The following IARS1 variants were observed in gnomAD, a reference collection of about 807,000 sequenced individuals.
IARS1 encodes isoleucine--tRNA ligase, cytoplasmic.
In IARS1, 124 loss-of-function variants were observed where a neutral mutation model predicts 168.2. The observed-to-expected ratio is 0.74, with a 90% CI of 0.64 to 0.86. The LOEUF is 0.86. Among genes scored for constraint, IARS1 ranks in the 40% least tolerant of loss-of-function variants. IARS1 has a pLI of 0.00. For synonymous variants in IARS1, 532 were observed against 529.4 expected (o/e 1.00, Z -0.07); for missense variants, 1,452 against 1,515.8 (o/e 0.96, Z 0.70).
chr9:92,251,445 T>C (rs1260950988), intron 22 of IARS1, among the ~76,000 whole-genome samples: 1 of 152,232 alleles, frequency 6.6e-6, no homozygotes, highest in Non-Finnish European at 1.5e-5. Flanking sequence ...GATATATATA[T>C]ATTTACTCAG....
At chr9:92,223,563 TTAAC>T in intron 31 of IARS1, 74 bp from the exon 32 acceptor site, 1 of 1,213,314 alleles carries the variant, frequency 8.2e-7, no homozygotes, top group African/African-American at 1.5e-5. Context: ...TTTTTCCTAT[TTAAC>T]TATCATGTAT....
intron 30 of IARS1, among the ~76,000 whole-genome samples, chr9:92,236,064 C>T (rs1379982436): frequency 1.3e-5 from 2 of 151,900 alleles, no homozygotes; most frequent in Admixed American, 1.3e-4. Flanking sequence ...CTCACTGCAA[C>T]CTCTGCCTCC....
chr9:92,288,934 C>G (rs1043608435), intron 2 of IARS1, among the ~76,000 whole-genome samples: 1 of 152,096 alleles, frequency 6.6e-6, no homozygotes, highest in Non-Finnish European at 1.5e-5. Flanking sequence ...TTAGGCCGCG[C>G]GTGATGGCTC....
At chr9:92,248,946 A>G (rs1829630297) in intron 25 of IARS1, among the ~76,000 whole-genome samples, 1 of 152,190 alleles carries the variant, frequency 6.6e-6, no homozygotes, top group African/African-American at 2.4e-5. Context: ...AATATCATGG[A>G]ATAAAAATGT....
intron 10 of IARS1, among the ~76,000 whole-genome samples, chr9:92,272,714 G>C (rs971355717): frequency 2.6e-5 from 4 of 152,136 alleles, no homozygotes; most frequent in African/African-American, 9.7e-5. Context: ...AGCCAGGCAT[G>C]GTGGCAGGTG....
chr9:92,288,299 A>G lies in IARS1; in HGVS notation c.120-17T>C. On this transcript the variant is annotated splice_polypyrimidine_tract_variant and intron_variant, in intron 2 of 33. Transcript: ENST00000443024. ...AAGGTAAATCTAACAGGTAATAAAA[A>G]TATATCAAGCCATTTAAAAACAGCC... is the stretch of plus-strand genomic sequence containing the variant. 6.2e-7 allele frequency: 1 copy of G among 1,613,486 alleles called. No individual in the cohort carries two copies. Among genetic ancestry groups the G allele is most frequent in the Non-Finnish European group, 8.5e-7 (1 of 1,179,564 alleles).
chr9:92,277,779 A>T, intron 9 of IARS1, 84 bp downstream of exon 9: 4 of 1,100,020 alleles, frequency 3.6e-6, no homozygotes, highest in Non-Finnish European at 5.3e-6. Context: ...CATAAAAGTA[A>T]TGTCAATTCC....
intron 18 of IARS1, 113 bp downstream of exon 18, chr9:92,260,038 T>C: frequency 1.4e-6 from 1 of 712,046 alleles, no homozygotes; most frequent in Admixed American, 2.2e-5. Flanking sequence ...ATAACAGAGA[T>C]ATGTTGCTAA....
intron 16 of IARS1, among the ~76,000 whole-genome samples, chr9:92,264,568 C>T (rs1441408481): frequency 6.6e-6 from 1 of 152,124 alleles, no homozygotes; most frequent in African/African-American, 2.4e-5. Flanking sequence ...CCTCAAATTT[C>T]TAGCACCCAA....
At chr9:92,266,856 T>G (rs921366301) in intron 14 of IARS1, among the ~76,000 whole-genome samples, 2 of 152,238 alleles carry the variant, frequency 1.3e-5, no homozygotes, top group African/African-American at 4.8e-5. Context: ...AACTTTCCAG[T>G]CATGCAGAAT....
chr9:92,230,720 C>T (rs1052272972), intron 30 of IARS1, among the ~76,000 whole-genome samples: 3 of 152,200 alleles, frequency 2.0e-5, no homozygotes, highest in African/African-American at 7.2e-5. Context: ...TCATACCATT[C>T]TATATTCTCA....
intron 30 of IARS1, among the ~76,000 whole-genome samples, chr9:92,231,700 T>G (rs932886939): frequency 6.6e-6 from 1 of 152,008 alleles, no homozygotes; most frequent in Non-Finnish European, 1.5e-5. Context: ...AGGGCTAGGA[T>G]TACAGGCGTG....
At chr9:92,228,021 G>A (rs1276321091) in intron 31 of IARS1, among the ~76,000 whole-genome samples, 16 of 152,140 alleles carry the variant, frequency 1.1e-4, no homozygotes, top group Admixed American at 3.3e-4. Flanking sequence ...CTGAGATCAC[G>A]CCACTGCACT....
intron 33 of IARS1, among the ~76,000 whole-genome samples, chr9:92,213,946 G>C (rs762805041): frequency 1.3e-5 from 2 of 152,004 alleles, no homozygotes; most frequent in Non-Finnish European, 1.5e-5. Flanking sequence ...CAAGTAGCTG[G>C]GATTACAGGC....
chr9:92,265,537 G>T lies in IARS1; in HGVS notation c.1448C>A (p.Ser483Ter). 6.2e-7 allele frequency: 1 copy of T among 1,614,002 alleles called. No individual in the cohort carries two copies. The highest frequency in any genetic ancestry group is 1.1e-5 in the South Asian group (1 of 91,078). Reference protein sequence around the residue: ...DDFEEVVCIGSVAELEELSGA... With the variant: ...DDFEEVVCIG Reference sequence around the variant, plus strand: ...TGACAGTTCTTCAAGTTCCGCCACTGACCCAATGCATACCACCTGTCAAAA... The same window carrying T: ...TGACAGTTCTTCAAGTTCCGCCACTTACCCAATGCATACCACCTGTCAAAA... The change falls in exon 15 of 34, where the codon TCA (serine) becomes TAA (stop). Residue 483 changes from serine to a stop codon, truncating the protein, a stop_gained. Transcript: ENST00000443024. LOFTEE classifies it high-confidence loss of function.
chr9:92,244,380 G>T (rs1249051281), intron 27 of IARS1, among the ~76,000 whole-genome samples: 1 of 152,214 alleles, frequency 6.6e-6, no homozygotes. Flanking sequence ...CCCTGCACAT[G>T]GTATGCTAAG....
intron 33 of IARS1, among the ~76,000 whole-genome samples, chr9:92,219,402 G>C (rs1839305068): frequency 6.7e-6 from 1 of 150,188 alleles, no homozygotes; most frequent in Non-Finnish European, 1.5e-5. Flanking sequence ...GGCAACAAAA[G>C]ACAAAATTGA....
At position 92,258,854 on chromosome 9, in the gene IARS1, C is replaced by A; in HGVS notation, c.2016G>T (p.Lys672Asn). The change falls in exon 19 of 34, where the codon AAG (lysine) becomes AAT (asparagine). Residue 672 changes from lysine to asparagine, a missense_variant and splice_region_variant. Coordinates refer to ENST00000443024, the MANE Select transcript of IARS1 (RefSeq NM_002161.6). Reference sequence around the variant, plus strand: ...ATGTGCAGCCCCCTACAGCCCATACCTTCTGGAGCCTCAGAACGTTCTGGA... The same window carrying A: ...ATGTGCAGCCCCCTACAGCCCATACATTCTGGAGCCTCAGAACGTTCTGGA... The part of the protein sequence containing the change: ...FLIQNVLRLQ[K>N]EEEIEFLYNE... 1 of 1,606,394 alleles carries A rather than the reference C, an allele frequency of 6.2e-7. No homozygotes were observed. The highest frequency in any genetic ancestry group is 8.5e-7 in the Non-Finnish European group (1 of 1,177,154).
intron 1 of IARS1, among the ~76,000 whole-genome samples, chr9:92,293,177 G>A (rs913566571): frequency 8.5e-5 from 13 of 152,108 alleles, no homozygotes; most frequent in Non-Finnish European, 1.8e-4. Flanking sequence ...GACTCCACAG[G>A]TATACTCATG....
Sources: gnomAD v4.1 joint callset for allele counts (sites outside exome capture counted in the v4.1 genomes callset) on GRCh38, gnomAD v4.1.1 for gene constraint, MANE v1.5 for transcripts, NCBI Gene and HGNC (gene_info 2026-07-23, HGNC 2026-07-21) for gene names.